The following GPCPD1 variants were observed in gnomAD, a reference collection of about 807,000 sequenced individuals.
GPCPD1 encodes the protein glycerophosphocholine phosphodiesterase GPCPD1.
A neutral mutation model predicts 89.2 loss-of-function variants in GPCPD1; 29 were observed. That is an observed-to-expected ratio of 0.33 (90% CI 0.24 to 0.44). The LOEUF is 0.44. GPCPD1 is among the 20% of genes least tolerant of loss of function. The pLI, the probability that GPCPD1 is intolerant of heterozygous loss-of-function variation, is 1.00. For synonymous variants in GPCPD1, 258 were observed against 266.3 expected (o/e 0.97, Z 0.30); for missense variants, 594 against 808.9 (o/e 0.73, Z 3.22).
chr20:5,564,829 G>T (rs999239557), intron 15 of GPCPD1, among the ~76,000 whole-genome samples, 188 bp downstream of exon 15: 7 of 151,836 alleles, frequency 4.6e-5, no homozygotes, highest in African/African-American at 1.7e-4. Context: ...GTCAAAGTGG[G>T]ATTGTCACTC....
At chr20:5,562,861 T>G (rs1986167002) in intron 15 of GPCPD1, among the ~76,000 whole-genome samples, 1 of 152,240 alleles carries the variant, frequency 6.6e-6, no homozygotes, top group Non-Finnish European at 1.5e-5. Flanking sequence ...ATATTTTTGC[T>G]GGACTAATGC....
At chr20:5,559,422 C>CA (rs1985963095) in intron 17 of GPCPD1, among the ~76,000 whole-genome samples, 1 of 151,988 alleles carries the variant, frequency 6.6e-6, no homozygotes, top group African/African-American at 2.4e-5. Flanking sequence ...CTCATTTCTA[C>CA]AAAAAATACA....
At chr20:5,581,611 G>A (rs1421509368) in intron 6 of GPCPD1, among the ~76,000 whole-genome samples, 7 of 152,160 alleles carry the variant, frequency 4.6e-5, no homozygotes, top group Admixed American at 6.5e-5. Flanking sequence ...CTGCATGATC[G>A]TGACAACACT....
At chr20:5,598,531 G>A (rs1979896202) in intron 3 of GPCPD1, among the ~76,000 whole-genome samples, 194 bp downstream of exon 3, 1 of 151,526 alleles carries the variant, frequency 6.6e-6, no homozygotes, top group African/African-American at 2.4e-5. Context: ...TTGAGAGGCA[G>A]GGATTAACAG....
At chr20:5,568,098 T>C (rs963074838) in intron 12 of GPCPD1, among the ~76,000 whole-genome samples, 3 of 151,992 alleles carry the variant, frequency 2.0e-5, no homozygotes, top group Non-Finnish European at 4.4e-5. Context: ...CTACCATGTT[T>C]CCCCCACAAG....
chr20:5,550,190 T>A, intron 19 of GPCPD1, among the ~76,000 whole-genome samples: 2 of 131,618 alleles, frequency 1.5e-5, no homozygotes, highest in Non-Finnish European at 1.6e-5. Flanking sequence ...TGAGACTATC[T>A]CAAAAAAAAA....
chr20:5,547,550 C>T lies in GPCPD1; in HGVS notation c.*111G>A, dbSNP rs1488166111. The stretch of plus-strand genomic sequence containing the variant: ...GAAAGAGTTAAATACTTCATTATTG[C>T]TTCATTGAACTGAGAAGCCCAAAAG... On this transcript the variant is annotated 3_prime_UTR_variant, in exon 20 of 20. Transcript: ENST00000379019. 9.0e-6 allele frequency: 5 copies of T among 558,650 alleles called. No individual in the cohort carries two copies. Among genetic ancestry groups the T allele is most frequent in the Admixed American group, 2.8e-5 (1 of 35,704 alleles). The allele number at this position is 558,650 out of a possible 1,614,324, so 34.6% of individuals were successfully genotyped here. A position where few individuals can be genotyped will look rare whatever the true frequency, so the allele number is the denominator to read the frequency against.
intron 15 of GPCPD1, among the ~76,000 whole-genome samples, chr20:5,563,329 CGT>C (rs1283642669): frequency 6.6e-6 from 1 of 151,880 alleles, no homozygotes; most frequent in East Asian, 1.9e-4. Context: ...AATGAGTTTG[CGT>C]GTGTGTTTTA....
At chr20:5,601,673 C>T (rs775604681) in intron 2 of GPCPD1, among the ~76,000 whole-genome samples, 40 of 151,602 alleles carry the variant, frequency 2.6e-4, no homozygotes, top group Non-Finnish European at 1.0e-4. Context: ...CCAGCCAACC[C>T]TGTCTCTTAA....
intron 8 of GPCPD1, among the ~76,000 whole-genome samples, chr20:5,576,822 A>T (rs755806968): frequency 6.6e-6 from 1 of 152,146 alleles, no homozygotes; most frequent in Non-Finnish European, 1.5e-5. Context: ...ACAAAACACT[A>T]TTACAAAAAA....
chr20:5,552,756 T>C (rs1484838143), intron 19 of GPCPD1, among the ~76,000 whole-genome samples: 42 of 152,222 alleles, frequency 2.8e-4, no homozygotes, highest in Admixed American at 2.7e-3. Flanking sequence ...AGGTAGGATT[T>C]ACTTGGACTA....
chr20:5,586,594 G>A (rs1002379820), intron 4 of GPCPD1, among the ~76,000 whole-genome samples: 1 of 152,092 alleles, frequency 6.6e-6, no homozygotes, highest in African/African-American at 2.4e-5. Flanking sequence ...TAATTCTTAA[G>A]ATAAATATCA....
intron 1 of GPCPD1, among the ~76,000 whole-genome samples, chr20:5,610,153 G>A (rs1600821130): frequency 2.0e-5 from 3 of 152,280 alleles, no homozygotes; most frequent in Admixed American, 2.0e-4. Context: ...GGCTGATGAG[G>A]ACACCTAAGT....
At chr20:5,598,963 C>T (rs1306546388) in intron 2 of GPCPD1, 142 bp from the exon 3 acceptor site, 4 of 630,500 alleles carry the variant, frequency 6.3e-6, no homozygotes, top group African/African-American at 5.5e-5. Flanking sequence ...AGGTTTGGGC[C>T]CAGGTACCTA....
chr20:5,595,777 G>A (rs1455373760), intron 3 of GPCPD1, among the ~76,000 whole-genome samples: 2 of 146,816 alleles, frequency 1.4e-5, no homozygotes, highest in Non-Finnish European at 3.0e-5. Context: ...ATAGAAAGTT[G>A]CCATTTCTGC....
At chr20:5,578,348 T>C in intron 8 of GPCPD1, 32 bp downstream of exon 8, 1 of 1,251,654 alleles carries the variant, frequency 8.0e-7, no homozygotes, top group South Asian at 1.2e-5. Flanking sequence ...CCTGCATTCT[T>C]TCTCAATCCC....
At position 5,575,426 on chromosome 20, in the gene GPCPD1, TAG is replaced by T; in HGVS notation, c.986_987del (p.Ser329TyrfsTer8). The part of the protein sequence containing the change: ...LDVGHRGAGN[S>X]TTTAQLAKVQ... ...TATTCAACTTACTGGGCAGTTGTTGTAGAGTTTCCTGCACCTCGATGGCCAAC... is the reference window on the plus strand; with the variant it reads ...TATTCAACTTACTGGGCAGTTGTTGTAGTTTCCTGCACCTCGATGGCCAAC... On this transcript the variant is annotated frameshift_variant, in exon 10 of 20. Transcript: ENST00000379019. LOFTEE classifies it high-confidence loss of function. 1.2e-6 allele frequency: 2 copies of T among 1,608,988 alleles called. No individual in the cohort carries two copies. The highest frequency in any genetic ancestry group is 1.7e-6 in the Non-Finnish European group (2 of 1,176,664).
intron 4 of GPCPD1, among the ~76,000 whole-genome samples, chr20:5,588,780 G>A (rs1408402728): frequency 6.6e-6 from 1 of 150,618 alleles, no homozygotes; most frequent in African/African-American, 2.4e-5. Context: ...AGCTGAGATT[G>A]CGCCACTGCA....
intron 2 of GPCPD1, among the ~76,000 whole-genome samples, chr20:5,599,645 C>T (rs962030771): frequency 2.6e-5 from 4 of 151,968 alleles, no homozygotes; most frequent in African/African-American, 7.2e-5. Context: ...ACCTCCACCT[C>T]CCAGGTTCAA....
Sources: gnomAD v4.1 joint callset for allele counts (sites outside exome capture counted in the v4.1 genomes callset) on GRCh38, gnomAD v4.1.1 for gene constraint, MANE v1.5 for transcripts, NCBI Gene and HGNC (gene_info 2026-07-23, HGNC 2026-07-21) for gene names.